The following INTS9 variants were observed in gnomAD, a reference collection of about 807,000 sequenced individuals.
The protein encoded by INTS9 is integrator complex subunit 9.
A neutral mutation model predicts 79.7 loss-of-function variants in INTS9; 55 were observed. The observed-to-expected ratio is 0.69, with a 90% CI of 0.56 to 0.86. The LOEUF (loss-of-function observed/expected upper bound fraction) is 0.86, where lower values mean the gene tolerates loss of function less well. Among genes scored for constraint, INTS9 ranks in the 40% least tolerant of loss-of-function variants. INTS9 has a pLI of 0.00. For missense variants in INTS9, 721 were observed against 831.5 expected, an observed-to-expected ratio of 0.87 and a Z score of 1.64; for synonymous variants, 319 against 325.2, an observed-to-expected ratio of 0.98 and a Z score of 0.20.
intron 10 of INTS9, among the ~76,000 whole-genome samples, chr8:28,789,874 T>C (rs1803825085): frequency 8.5e-6 from 1 of 118,266 alleles, no homozygotes; most frequent in Admixed American, 8.5e-5. Context: ...TGAGAGCCTG[T>C]CTCAAAAACC....
rs66656530 is a variant in INTS9, at chr8:28,778,592, CG to C, written c.1271-640del. Among the ~76,000 whole-genome samples the C allele has an allele frequency of 6.5e-3, 996 of 152,288 alleles. 12 individuals carry two copies. The highest frequency in any genetic ancestry group is 0.021 in the African/African-American group (887 of 41,562). On this transcript the variant is annotated intron_variant, in intron 12 of 16. Coordinates refer to ENST00000521022, the MANE Select transcript of INTS9 (RefSeq NM_018250.4). Reference sequence around the variant, plus strand: ...CCCCAGCAGCCCCAGCCCCTCAGACCGGGAAGAGTCCTCGCCCTCTGCTCAG... The same window carrying C: ...CCCCAGCAGCCCCAGCCCCTCAGACCGGAAGAGTCCTCGCCCTCTGCTCAG...
At chr8:28,867,107 T>C (rs1258867384) in intron 1 of INTS9, among the ~76,000 whole-genome samples, 5 of 151,700 alleles carry the variant, frequency 3.3e-5, no homozygotes, top group African/African-American at 9.7e-5. Context: ...GGCAACATGG[T>C]GAAACCCCAC....
intron 9 of INTS9, among the ~76,000 whole-genome samples, chr8:28,795,829 C>G (rs1260192202): frequency 6.6e-6 from 1 of 152,070 alleles, no homozygotes; most frequent in Non-Finnish European, 1.5e-5. Flanking sequence ...GTTACGGCAG[C>G]CCAAACTAAC....
At chr8:28,775,183 A>T (rs1329214868) in intron 14 of INTS9, among the ~76,000 whole-genome samples, 1 of 152,146 alleles carries the variant, frequency 6.6e-6, no homozygotes, top group Non-Finnish European at 1.5e-5. Flanking sequence ...CAGCATCTCC[A>T]CTTCCCAGGG....
intron 13 of INTS9, 160 bp from the exon 14 acceptor site, chr8:28,776,086 G>A (rs1802861078): frequency 1.9e-6 from 1 of 525,614 alleles, no homozygotes; most frequent in Admixed American, 3.7e-5. Context: ...CCGTAGACAG[G>A]AGAGGGAACG....
intron 8 of INTS9, among the ~76,000 whole-genome samples, chr8:28,800,473 G>A (rs1165456895): frequency 6.6e-6 from 1 of 152,204 alleles, no homozygotes; most frequent in Non-Finnish European, 1.5e-5. Context: ...GACAGAGCAG[G>A]CAGTGAGAAG....
rs1395334987 is a variant in INTS9, at chr8:28,768,215, G to C, written c.1908C>G (p.Ile636Met). 1 of 1,614,166 alleles carries C rather than the reference G, an allele frequency of 6.2e-7. No individual in the cohort carries two copies. The highest frequency in any genetic ancestry group is 8.5e-7 in the Non-Finnish European group (1 of 1,180,040). The change falls in exon 17 of 17, where the codon ATC becomes ATG. Residue 636 changes from isoleucine to methionine, a missense_variant. This residue lies in a region of INTS9 where 281 missense variants were observed against 300.8 expected (regional missense o/e 0.93). Coordinates refer to ENST00000521022, the MANE Select transcript of INTS9 (RefSeq NM_018250.4). ...CTCTGAGCATCTCGTCATTGTCGCAGATGATATGGGTCGAGTCTTCTTCAA... is the reference window on the plus strand; with the variant it reads ...CTCTGAGCATCTCGTCATTGTCGCACATGATATGGGTCGAGTCTTCTTCAA... ...IQIEEDSTHI[I>M]CDNDEMLRVR...
At chr8:28,819,358 G>A (rs1437283010) in intron 6 of INTS9, among the ~76,000 whole-genome samples, 1 of 152,124 alleles carries the variant, frequency 6.6e-6, no homozygotes, top group Non-Finnish European at 1.5e-5. Flanking sequence ...TTGTGTCTTT[G>A]TTCTTGTTGG....
chr8:28,860,770 T>C (rs922928448), intron 1 of INTS9, among the ~76,000 whole-genome samples: 1 of 152,162 alleles, frequency 6.6e-6, no homozygotes, highest in Non-Finnish European at 1.5e-5. Flanking sequence ...GCGTGAGCCA[T>C]GGCGCCCGAC....
intron 6 of INTS9, among the ~76,000 whole-genome samples, chr8:28,834,514 C>T (rs888350740): frequency 1.8e-4 from 27 of 152,184 alleles, no homozygotes; most frequent in African/African-American, 3.6e-4. Context: ...TGTCCCATGA[C>T]GCCATGCCTG....
chr8:28,868,504 C>T (rs923790883), intron 1 of INTS9, among the ~76,000 whole-genome samples: 2 of 151,976 alleles, frequency 1.3e-5, no homozygotes, highest in Admixed American at 6.5e-5. Context: ...AATGACATCA[C>T]CAATTTTTTC....
At chr8:28,840,143 A>G (rs1379461035) in intron 4 of INTS9, among the ~76,000 whole-genome samples, 222 of 122,128 alleles carry the variant, frequency 1.8e-3, no homozygotes, top group Admixed American at 3.0e-3. Context: ...ACATGAACAG[A>G]CACTTCTCAA....
intron 6 of INTS9, among the ~76,000 whole-genome samples, chr8:28,825,461 G>A (rs1007144152): frequency 2.6e-5 from 4 of 152,124 alleles, no homozygotes; most frequent in African/African-American, 4.8e-5. Flanking sequence ...TTCTTTCTGC[G>A]ATTTTCCTTA....
At chr8:28,776,048 G>T (rs572345853) in intron 13 of INTS9, 122 bp from the exon 14 acceptor site, 2 of 750,460 alleles carry the variant, frequency 2.7e-6, no homozygotes, top group Non-Finnish European at 4.1e-6. Context: ...AGGCCAAGGT[G>T]AACTTTCATC....
chr8:28,794,750 T>C (rs1411489163), intron 9 of INTS9, among the ~76,000 whole-genome samples: 1 of 152,234 alleles, frequency 6.6e-6, no homozygotes, highest in Non-Finnish European at 1.5e-5. Context: ...ATGCAACTTT[T>C]CTTCTGGAAG....
intron 1 of INTS9, among the ~76,000 whole-genome samples, chr8:28,870,159 T>C (rs932745716): frequency 3.3e-5 from 5 of 152,054 alleles, no homozygotes; most frequent in African/African-American, 7.2e-5. Context: ...TGTGACTGTT[T>C]GTTACATATA....
At chr8:28,833,095 A>G (rs1806593834) in intron 6 of INTS9, among the ~76,000 whole-genome samples, 1 of 152,242 alleles carries the variant, frequency 6.6e-6, no homozygotes. Context: ...GTACAAAGGA[A>G]TGCACGGAGG....
intron 1 of INTS9, among the ~76,000 whole-genome samples, chr8:28,876,713 G>A (rs1809410018): frequency 6.6e-6 from 1 of 152,018 alleles, no homozygotes; most frequent in South Asian, 2.1e-4. Context: ...GCAAAGTTAT[G>A]CACCTGGAAA....
chr8:28,836,901 T>C lies in INTS9; in HGVS notation c.401+736A>G, dbSNP rs192000435. Among the ~76,000 whole-genome samples, 700 of 152,316 alleles carry C rather than the reference T, an allele frequency of 4.6e-3. 4 individuals are homozygous for C. Among genetic ancestry groups the C allele is most frequent in the African/African-American group, 0.016 (650 of 41,560 alleles). On this transcript the variant is annotated intron_variant, in intron 5 of 16. Coordinates refer to ENST00000521022, the MANE Select transcript of INTS9 (RefSeq NM_018250.4). ...CTAGGAGTCTATAGCAATTCTTAAGTCTCACATTTTGGAACCTGACAGTTT... is the reference window on the plus strand; with the variant it reads ...CTAGGAGTCTATAGCAATTCTTAAGCCTCACATTTTGGAACCTGACAGTTT...
Sources: gnomAD v4.1 joint callset for allele counts (sites outside exome capture counted in the v4.1 genomes callset) on GRCh38, gnomAD v4.1.1 for gene constraint, gnomAD v4.1.1 regional missense constraint, MANE v1.5 for transcripts, NCBI Gene and HGNC (gene_info 2026-07-23, HGNC 2026-07-21) for gene names.